CTNNBL1: variants seen among roughly 807,000 people sequenced by gnomAD.
CTNNBL1 encodes the protein catenin beta like 1, also known as beta-catenin-like protein 1.
A neutral mutation model predicts 72.7 loss-of-function variants in CTNNBL1; 31 were observed. That is an observed-to-expected ratio of 0.43 (90% CI 0.32 to 0.58). The LOEUF (loss-of-function observed/expected upper bound fraction) is 0.58, where lower values mean the gene tolerates loss of function less well. CTNNBL1 is among the 20% of genes least tolerant of loss of function. CTNNBL1 has a pLI of 0.08. For missense variants in CTNNBL1, 534 were observed against 725.1 expected (o/e 0.74, Z 3.03); for synonymous variants, 240 against 267.3 (o/e 0.90, Z 1.00).
Position 37,871,822 on chromosome 20 carries a change from G to GC in CTNNBL1, c.1604-102dup. The GC allele has an allele frequency of 3.9e-6, 4 of 1,013,838 alleles. No individual in the cohort carries two copies. In the South Asian group the frequency reaches 5.4e-5, roughly 14 times the overall value. 62.8% of individuals were successfully genotyped at this position (1,013,838 alleles called of 1,614,324 possible). On this transcript the variant is annotated intron_variant, in intron 15 of 15. Transcript: ENST00000361383. The stretch of plus-strand genomic sequence containing the variant: ...TACAGTGGGGGCATTAGGGCGACTT[G>GC]CACCTCTGTGGGAGCTGGGGTTCTG...
intron 10 of CTNNBL1, among the ~76,000 whole-genome samples, chr20:37,791,875 G>C (rs1295635549): frequency 6.6e-6 from 1 of 152,162 alleles, no homozygotes; most frequent in Non-Finnish European, 1.5e-5. Context: ...CTGGTCCCTG[G>C]TGCCAAAACG....
intron 4 of CTNNBL1, among the ~76,000 whole-genome samples, chr20:37,752,961 A>G (rs1411421401): frequency 1.3e-5 from 2 of 152,136 alleles, no homozygotes; most frequent in African/African-American, 4.8e-5. Context: ...TTGTAACTAC[A>G]GAGGAAAAAC....
At chr20:37,829,978 C>T (rs142190090) in intron 11 of CTNNBL1, among the ~76,000 whole-genome samples, 3 of 152,192 alleles carry the variant, frequency 2.0e-5, no homozygotes, top group Non-Finnish European at 2.9e-5. Flanking sequence ...ATCACAGGAG[C>T]GTACCACCAT....
chr20:37,778,880 T>A (rs2073599491), intron 9 of CTNNBL1, among the ~76,000 whole-genome samples: 1 of 152,174 alleles, frequency 6.6e-6, no homozygotes, highest in Non-Finnish European at 1.5e-5. Context: ...CTGTGTTATA[T>A]TTCACGATAA....
intron 3 of CTNNBL1, among the ~76,000 whole-genome samples, chr20:37,746,004 A>T (rs1320317677): frequency 6.6e-6 from 1 of 152,174 alleles, no homozygotes; most frequent in Non-Finnish European, 1.5e-5. Context: ...GAGGGAGGGC[A>T]TTTTTGGATA....
chr20:37,775,827 C>T (rs370697523), intron 7 of CTNNBL1, among the ~76,000 whole-genome samples: 12 of 152,330 alleles, frequency 7.9e-5, no homozygotes, highest in East Asian at 5.8e-4. Flanking sequence ...CACAGAAAGG[C>T]CATGGCTCTA....
chr20:37,816,722 T>C (rs1362095923), intron 11 of CTNNBL1, among the ~76,000 whole-genome samples: 4 of 152,042 alleles, frequency 2.6e-5, no homozygotes, highest in African/African-American at 9.7e-5. Context: ...AAGAAAAGTA[T>C]GGTAATTTGG....
At chr20:37,709,067 G>A (rs1398457470) in intron 1 of CTNNBL1, among the ~76,000 whole-genome samples, 2 of 152,078 alleles carry the variant, frequency 1.3e-5, no homozygotes, top group African/African-American at 4.8e-5. Flanking sequence ...AACCTGGGAG[G>A]TGGAGGGTGC....
At chr20:37,855,499 G>A (rs901884297) in intron 13 of CTNNBL1, among the ~76,000 whole-genome samples, 1 of 152,164 alleles carries the variant, frequency 6.6e-6, no homozygotes, top group Non-Finnish European at 1.5e-5. Flanking sequence ...CACAGCACCT[G>A]GCACAGTTAG....
intron 8 of CTNNBL1, 115 bp downstream of exon 8, chr20:37,777,532 G>A: frequency 7.2e-7 from 1 of 1,384,370 alleles, no homozygotes; most frequent in African/African-American, 1.4e-5. Context: ...CTCACTCCCT[G>A]TGCTGCTTTT....
intron 3 of CTNNBL1, among the ~76,000 whole-genome samples, chr20:37,740,300 G>C (rs368751809): frequency 6.6e-6 from 1 of 152,058 alleles, no homozygotes; most frequent in South Asian, 2.1e-4. Flanking sequence ...CTAGATCAGC[G>C]AGGTGAAATT....
At chr20:37,842,311 A>G (rs748467894) in intron 12 of CTNNBL1, 28 bp from the exon 13 acceptor site, 6 of 1,520,366 alleles carry the variant, frequency 3.9e-6, no homozygotes, top group Non-Finnish European at 5.5e-6. Context: ...TTTCCTTCTC[A>G]CTCAAGCCTG....
At chr20:37,856,629 G>A (rs1409944264) in intron 13 of CTNNBL1, among the ~76,000 whole-genome samples, 1 of 150,656 alleles carries the variant, frequency 6.6e-6, no homozygotes, top group African/African-American at 2.5e-5. Context: ...CACACAACGC[G>A]AAGACCATAC....
intron 11 of CTNNBL1, among the ~76,000 whole-genome samples, chr20:37,831,784 A>G (rs2072212308): frequency 1.3e-5 from 2 of 152,290 alleles, no homozygotes; most frequent in South Asian, 2.1e-4. Flanking sequence ...GGTACTCAGA[A>G]TTTTGAGAAA....
chr20:37,720,827 A>G (rs1158649147), intron 1 of CTNNBL1, among the ~76,000 whole-genome samples: 1 of 152,230 alleles, frequency 6.6e-6, no homozygotes, highest in East Asian at 1.9e-4. Flanking sequence ...GTTAGAAGCA[A>G]GGGTCAAATC....
intron 1 of CTNNBL1, among the ~76,000 whole-genome samples, chr20:37,718,317 G>A (rs1467121629): frequency 1.5e-5 from 2 of 135,514 alleles, no homozygotes; most frequent in African/African-American, 6.1e-5. Context: ...CGGACGGGGC[G>A]GCTGGCCGGG....
intron 15 of CTNNBL1, among the ~76,000 whole-genome samples, chr20:37,870,026 A>C (rs2072569423): frequency 6.6e-6 from 1 of 151,500 alleles, no homozygotes; most frequent in Non-Finnish European, 1.5e-5. Context: ...AAAAAAAAAA[A>C]CAGGGTGACC....
intron 10 of CTNNBL1, among the ~76,000 whole-genome samples, chr20:37,788,719 A>T (rs1342751069): frequency 6.6e-6 from 1 of 152,182 alleles, no homozygotes; most frequent in Non-Finnish European, 1.5e-5. Context: ...CCTCCCAGGT[A>T]TTTAGGATTA....
rs561718294 is a variant in CTNNBL1, at chr20:37,759,618, T to G, written c.564+1962T>G. Among the ~76,000 whole-genome samples the G allele has an allele frequency of 3.3e-5, 5 of 152,304 alleles. No homozygotes were observed. The South Asian group carries it at 1.0e-3, about 32-fold the overall frequency. ...TACAGGATGTTCTGTTTGTTTAGTT[T>G]AGTTTTTATTTTTATTATTATTATA... is the stretch of plus-strand genomic sequence containing the variant. On this transcript the variant is annotated intron_variant, in intron 5 of 15. Coordinates refer to ENST00000361383, the MANE Select transcript of CTNNBL1 (RefSeq NM_030877.5).
Sources: allele counts gnomAD v4.1 joint callset (sites outside exome capture counted in the v4.1 genomes callset), GRCh38; gene constraint gnomAD v4.1.1; transcripts MANE v1.5; gene names NCBI Gene and HGNC (gene_info 2026-07-23, HGNC 2026-07-21).